The following EPB41L4A variants were observed in gnomAD, a reference collection of about 807,000 sequenced individuals.
EPB41L4A encodes the protein erythrocyte membrane protein band 4.1 like 4A.
Under a neutral mutation model 108.6 loss-of-function variants are expected in EPB41L4A, and 100 were observed. The observed-to-expected ratio is 0.92, with a 90% CI of 0.78 to 1.09. The LOEUF is 1.09. Ranked by LOEUF, EPB41L4A falls within the 50% of genes least tolerant of loss-of-function variation. The probability of loss-of-function intolerance (pLI) is 0.00; values close to 1 mark genes in which losing one functional copy is unlikely to be tolerated. For missense variants in EPB41L4A, 1,030 were observed against 842.7 expected, an observed-to-expected ratio of 1.22 and a Z score of -2.75; for synonymous variants, 319 against 289.0, an observed-to-expected ratio of 1.10 and a Z score of -1.05.
At chr5:112,328,069 C>A (rs1756298959) in intron 1 of EPB41L4A, among the ~76,000 whole-genome samples, 1 of 152,086 alleles carries the variant, frequency 6.6e-6, no homozygotes, top group South Asian at 2.1e-4. Flanking sequence ...CAGCACTTTG[C>A]GAGGCCAAGG....
intron 15 of EPB41L4A, among the ~76,000 whole-genome samples, chr5:112,203,282 G>A (rs2150293576): frequency 6.6e-6 from 1 of 152,244 alleles, no homozygotes; most frequent in South Asian, 2.1e-4. Context: ...CTCGAACCCA[G>A]GGGGCAGAGT....
intron 1 of EPB41L4A, among the ~76,000 whole-genome samples, chr5:112,391,808 A>G (rs948461560): frequency 2.6e-5 from 4 of 152,140 alleles, no homozygotes; most frequent in Non-Finnish European, 5.9e-5. Context: ...TGAAGGAAAA[A>G]ATGTTAAGGG....
chr5:112,272,948 A>T (rs1752371141), intron 4 of EPB41L4A, among the ~76,000 whole-genome samples: 1 of 152,330 alleles, frequency 6.6e-6, no homozygotes, highest in East Asian at 1.9e-4. Context: ...GCCAACGCAG[A>T]GTAGGCTGGT....
chr5:112,324,184 A>G (rs528875672), intron 1 of EPB41L4A, among the ~76,000 whole-genome samples: 6 of 152,220 alleles, frequency 3.9e-5, no homozygotes, highest in Non-Finnish European at 8.8e-5. Flanking sequence ...GAAGAGACAT[A>G]CAGGAAGAGA....
At chr5:112,216,055 C>T (rs1747614491) in intron 12 of EPB41L4A, among the ~76,000 whole-genome samples, 1 of 152,158 alleles carries the variant, frequency 6.6e-6, no homozygotes, top group African/African-American at 2.4e-5. Flanking sequence ...CCTGGTGCAT[C>T]AGACCACTAC....
At chr5:112,220,722 C>T (rs972668190) in intron 12 of EPB41L4A, among the ~76,000 whole-genome samples, 1 of 152,160 alleles carries the variant, frequency 6.6e-6, no homozygotes, top group Non-Finnish European at 1.5e-5. Flanking sequence ...CCTCTCATCT[C>T]CCAACCCTCT....
At chr5:112,376,559 T>C (rs1202756004) in intron 1 of EPB41L4A, among the ~76,000 whole-genome samples, 1 of 152,232 alleles carries the variant, frequency 6.6e-6, no homozygotes, top group Non-Finnish European at 1.5e-5. Flanking sequence ...GAAATTTTAT[T>C]TTTAAACATA....
intron 1 of EPB41L4A, among the ~76,000 whole-genome samples, chr5:112,342,628 C>T (rs1160610780): frequency 1.3e-5 from 2 of 152,180 alleles, no homozygotes; most frequent in Admixed American, 1.3e-4. Context: ...GAGCAGTCAG[C>T]AGTCAGCAGC....
intron 1 of EPB41L4A, among the ~76,000 whole-genome samples, chr5:112,398,925 T>C (rs1761557019): frequency 7.3e-6 from 1 of 137,272 alleles, no homozygotes; most frequent in South Asian, 2.2e-4. Flanking sequence ...GGGGAGTCTA[T>C]CCTAGAAAAA....
At chr5:112,207,580 GAAAC>G (rs977267303) in intron 13 of EPB41L4A, among the ~76,000 whole-genome samples, 4 of 152,050 alleles carry the variant, frequency 2.6e-5, no homozygotes, top group African/African-American at 7.2e-5. Context: ...TCAACAAGAT[GAAAC>G]AAACAATGCC....
At chr5:112,349,682 C>T (rs1201860712) in intron 1 of EPB41L4A, among the ~76,000 whole-genome samples, 1 of 152,098 alleles carries the variant, frequency 6.6e-6, no homozygotes, top group Non-Finnish European at 1.5e-5. Context: ...AGACGCCCAC[C>T]ATGGGTGTGG....
chr5:112,256,047 G>C (rs916979568), intron 9 of EPB41L4A, among the ~76,000 whole-genome samples: 26 of 152,114 alleles, frequency 1.7e-4, no homozygotes, highest in Non-Finnish European at 3.5e-4. Context: ...TAATCCAACA[G>C]CTTCTCCGCA....
intron 12 of EPB41L4A, among the ~76,000 whole-genome samples, chr5:112,147,724 GA>G (rs958350561): frequency 6.6e-5 from 10 of 150,776 alleles, no homozygotes; most frequent in African/African-American, 2.4e-4. Flanking sequence ...CCCAAAATAA[GA>G]AAAAAATGAA....
At chr5:112,213,386 T>A (rs1276010938) in intron 12 of EPB41L4A, among the ~76,000 whole-genome samples, 1 of 151,444 alleles carries the variant, frequency 6.6e-6, no homozygotes. Flanking sequence ...TCTTGCTCTG[T>A]CACCCAGGCT....
intron 9 of EPB41L4A, chr5:112,250,610 T>C (rs1226628429): frequency 1.3e-5 from 2 of 152,198 alleles, no homozygotes; most frequent in Admixed American, 1.3e-4. Context: ...TCAAATTTTT[T>C]ACAGGAGAAT....
intron 1 of EPB41L4A, among the ~76,000 whole-genome samples, chr5:112,338,791 A>G (rs979904033): frequency 7.9e-5 from 12 of 152,164 alleles, no homozygotes; most frequent in African/African-American, 2.7e-4. Flanking sequence ...CACGTCCACT[A>G]TTGTTTTACA....
At chr5:112,339,461 GATATATATATATCTATATAT>G (rs1561584796) in intron 1 of EPB41L4A, among the ~76,000 whole-genome samples, 65 of 121,176 alleles carry the variant, frequency 5.4e-4, no homozygotes, top group African/African-American at 1.8e-3. Context: ...TATAGCTATA[GATATATATATATCTATATAT>G]ATATATATAT....
chr5:112,198,159 C>A (rs573649635), intron 15 of EPB41L4A, among the ~76,000 whole-genome samples: 2 of 152,154 alleles, frequency 1.3e-5, no homozygotes, highest in East Asian at 1.9e-4. Flanking sequence ...TCAGCCTCCA[C>A]CAGTAGCTGG....
intron 13 of EPB41L4A, among the ~76,000 whole-genome samples, chr5:112,205,707 C>G (rs981898851): frequency 2.7e-5 from 4 of 150,448 alleles, no homozygotes; most frequent in Admixed American, 6.6e-5. Context: ...TCTTTCCCCC[C>G]TCTTTCTTTC....
Sources: gnomAD v4.1 joint callset for allele counts (sites outside exome capture counted in the v4.1 genomes callset) on GRCh38, gnomAD v4.1.1 for gene constraint, MANE v1.5 for transcripts, NCBI Gene and HGNC (gene_info 2026-07-23, HGNC 2026-07-21) for gene names.